Variants in RCAN2 observed in about 807,000 individuals in gnomAD.
RCAN2 encodes regulator of calcineurin 2.
A neutral mutation model predicts 23.6 loss-of-function variants in RCAN2; 9 were observed. That is an observed-to-expected ratio of 0.38 (90% CI 0.23 to 0.67). The LOEUF is 0.67. Among genes scored for constraint, RCAN2 ranks in the 30% least tolerant of loss-of-function variants. The probability of loss-of-function intolerance (pLI) is 0.51; values close to 1 mark genes in which losing one functional copy is unlikely to be tolerated. For missense variants in RCAN2, 273 were observed against 302.3 expected (o/e 0.90, Z 0.72); for synonymous variants, 109 against 115.7 (o/e 0.94, Z 0.37).
intron 2 of RCAN2, among the ~76,000 whole-genome samples, chr6:46,281,343 T>C (rs1322986809): frequency 6.6e-6 from 1 of 152,220 alleles, no homozygotes; most frequent in Non-Finnish European, 1.5e-5. Flanking sequence ...GAAAATACCT[T>C]GGTTTGCTCA....
chr6:46,261,822 GTCCTTTAC>G (rs1767119162), intron 2 of RCAN2, among the ~76,000 whole-genome samples: 2 of 152,132 alleles, frequency 1.3e-5, no homozygotes, highest in South Asian at 4.1e-4. Context: ...GTTTAATCAT[GTCCTTTAC>G]AAAACAACAT....
intron 1 of RCAN2, among the ~76,000 whole-genome samples, chr6:46,473,903 A>G (rs1233999469): frequency 6.6e-6 from 1 of 152,210 alleles, no homozygotes; most frequent in Non-Finnish European, 1.5e-5. Flanking sequence ...ATATAAACTC[A>G]CATATTTCTC....
chr6:46,335,408 C>A (rs766596601), intron 2 of RCAN2, among the ~76,000 whole-genome samples: 1 of 152,166 alleles, frequency 6.6e-6, no homozygotes, highest in African/African-American at 2.4e-5. Flanking sequence ...CAACCCAATT[C>A]AGGTATTGTT....
At chr6:46,380,261 A>G (rs1342221822) in intron 2 of RCAN2, among the ~76,000 whole-genome samples, 2 of 152,230 alleles carry the variant, frequency 1.3e-5, no homozygotes, top group Non-Finnish European at 2.9e-5. Context: ...AACTGTAGGA[A>G]CAGTCACACC....
chr6:46,480,606 A>G (rs1036538726), intron 1 of RCAN2, among the ~76,000 whole-genome samples: 5 of 151,378 alleles, frequency 3.3e-5, no homozygotes, highest in Admixed American at 1.3e-4. Flanking sequence ...ATGAAACTAG[A>G]CAAACTTATC....
Position 46,422,552 on chromosome 6 carries a change from A to G in RCAN2, c.225+34200T>C, listed in dbSNP as rs184445803. ...TAAAAACGAAGGAAGACATGTTCCAAACAGATTTAAAAAGCTACCAACATC... is the reference window on the plus strand; with the variant it reads ...TAAAAACGAAGGAAGACATGTTCCAGACAGATTTAAAAAGCTACCAACATC... On this transcript the variant is annotated intron_variant, in intron 2 of 4. Transcript: ENST00000371374. Among the ~76,000 whole-genome samples the G allele has an allele frequency of 8.4e-4, 128 of 152,336 alleles. 1 individual carries two copies. In the Middle Eastern group the frequency reaches 0.014, roughly 16 times the overall value.
intron 2 of RCAN2, among the ~76,000 whole-genome samples, chr6:46,316,449 G>A (rs921122582): frequency 3.5e-4 from 53 of 152,318 alleles, no homozygotes; most frequent in African/African-American, 1.1e-3. Context: ...TCTCCAGGAT[G>A]TCTCACTCTG....
chr6:46,391,963 G>A (rs1765949920), intron 2 of RCAN2, among the ~76,000 whole-genome samples: 1 of 152,130 alleles, frequency 6.6e-6, no homozygotes. Flanking sequence ...CTAAATAATA[G>A]GTCAAAATCA....
chr6:46,306,054 G>T (rs1763056774), intron 2 of RCAN2, among the ~76,000 whole-genome samples: 1 of 152,064 alleles, frequency 6.6e-6, no homozygotes, highest in Admixed American at 6.5e-5. Context: ...ATGAAAGTAT[G>T]CTGTGGCCAC....
chr6:46,426,002 G>T (rs368531690), intron 2 of RCAN2, among the ~76,000 whole-genome samples: 2 of 150,436 alleles, frequency 1.3e-5, no homozygotes, highest in African/African-American at 4.9e-5. Flanking sequence ...GGGTTCAAGC[G>T]ATTCTCCTGC....
chr6:46,446,351 G>GC (rs1156703754), intron 2 of RCAN2, among the ~76,000 whole-genome samples: 11 of 151,958 alleles, frequency 7.2e-5, no homozygotes, highest in Admixed American at 7.2e-4. Context: ...TCTTTACCCA[G>GC]CAAATCTATC....
intron 4 of RCAN2, among the ~76,000 whole-genome samples, chr6:46,227,438 T>TATC (rs1765711467): frequency 6.6e-6 from 1 of 152,240 alleles, no homozygotes; most frequent in Non-Finnish European, 1.5e-5. Context: ...GTTCGTAGGC[T>TATC]ATCAATTATT....
intron 2 of RCAN2, among the ~76,000 whole-genome samples, chr6:46,252,809 G>A (rs1011860862): frequency 1.3e-5 from 2 of 152,150 alleles, no homozygotes; most frequent in Non-Finnish European, 2.9e-5. Context: ...TGTTTTGACT[G>A]AAGGGTATGA....
At chr6:46,490,058 G>T (rs770127813) in intron 1 of RCAN2, among the ~76,000 whole-genome samples, 8 of 152,112 alleles carry the variant, frequency 5.3e-5, no homozygotes, top group Non-Finnish European at 8.8e-5. Context: ...GTGTTGCGTG[G>T]TACCTTGTGG....
chr6:46,321,221 T>C (rs2584073), intron 2 of RCAN2, among the ~76,000 whole-genome samples: 148,602 of 152,322 alleles, frequency 0.98, 72,506 homozygotes, highest in East Asian at 1. Flanking sequence ...ATGCTCTATC[T>C]CTCACTCTGC....
rs534246671 is a variant in RCAN2 at position 46,264,461 on chromosome 6, A to C, written c.226-15565T>G. On this transcript the variant is annotated intron_variant, in intron 2 of 4. Coordinates refer to ENST00000371374, the MANE Select transcript of RCAN2 (RefSeq NM_001251974.2). Reference sequence around the variant, plus strand: ...AAAGTGTGCAGCTTGTTATACTCCTAATCTCTTTTCCTCCTCTCCATCTCA... The same window carrying C: ...AAAGTGTGCAGCTTGTTATACTCCTCATCTCTTTTCCTCCTCTCCATCTCA... Among the ~76,000 whole-genome samples the C allele has an allele frequency of 3.3e-5, 5 of 152,272 alleles. 1 individual carries two copies. The highest frequency in any genetic ancestry group is 2.6e-4 in the Admixed American group (4 of 15,302).
intron 2 of RCAN2, among the ~76,000 whole-genome samples, chr6:46,449,339 G>A (rs927909774): frequency 5.9e-5 from 9 of 151,282 alleles, no homozygotes; most frequent in East Asian, 1.9e-4. Context: ...CACAATAAAT[G>A]AAAAGATATT....
In RCAN2 at chr6:46,326,303, G is replaced by C. The variant is rs542367391; in HGVS notation, c.226-77407C>G. Among the ~76,000 whole-genome samples the C allele has an allele frequency of 3.9e-5, 6 of 152,312 alleles. No individual in the cohort carries two copies. In the South Asian group the frequency reaches 1.2e-3, roughly 32 times the overall value. On this transcript the variant is annotated intron_variant, in intron 2 of 4. Coordinates refer to ENST00000371374, the MANE Select transcript of RCAN2 (RefSeq NM_001251974.2). ...TCCAAGGTCATTCAAACCAAAAGCA[G>C]TTCATGGAAAGGAGTTACAGCAAAT...
rs1366684915 is a variant in RCAN2, at chr6:46,220,991, T to C, written c.*2150A>G. The C allele has an allele frequency of 6.6e-6, 1 of 152,182 alleles. No homozygotes were observed. Among genetic ancestry groups the C allele is most frequent in the African/African-American group, 2.4e-5 (1 of 41,298 alleles). The allele number at this position is 152,182 out of a possible 1,614,324, so 9.4% of individuals were successfully genotyped here. On this transcript the variant is annotated 3_prime_UTR_variant, in exon 5 of 5. Coordinates refer to ENST00000371374, the MANE Select transcript of RCAN2 (RefSeq NM_001251974.2). ...GTTCTCCTAGGAAAAGCCCCTCTTTTCCCCCCTCCCCAAACCCAACCTAGT... is the reference window on the plus strand; with the variant it reads ...GTTCTCCTAGGAAAAGCCCCTCTTTCCCCCCCTCCCCAAACCCAACCTAGT...
Sources: gnomAD v4.1 joint callset for allele counts (sites outside exome capture counted in the v4.1 genomes callset) on GRCh38, gnomAD v4.1.1 for gene constraint, MANE v1.5 for transcripts, NCBI Gene and HGNC (gene_info 2026-07-23, HGNC 2026-07-21) for gene names.